SLC35F4: variants seen among roughly 807,000 people sequenced by gnomAD.
The protein encoded by SLC35F4 is chromosome 14 open reading frame 36.
Under a neutral mutation model 44.2 loss-of-function variants are expected in SLC35F4, and 24 were observed. The ratio of observed to expected loss-of-function variants is 0.54; its 90% CI spans 0.39 to 0.76. The LOEUF (loss-of-function observed/expected upper bound fraction) is 0.76. Ranked by LOEUF, SLC35F4 falls within the 30% of genes least tolerant of loss-of-function variation. The probability of loss-of-function intolerance (pLI) is 0.00; values close to 1 mark genes in which losing one functional copy is unlikely to be tolerated. For missense variants in SLC35F4, 562 were observed against 586.1 expected (o/e 0.96, Z 0.42); for synonymous variants, 238 against 223.6 (o/e 1.06, Z -0.57).
At chr14:57,684,370 G>T (rs1171321466) in intron 1 of SLC35F4, among the ~76,000 whole-genome samples, 3 of 152,166 alleles carry the variant, frequency 2.0e-5, no homozygotes, top group Admixed American at 6.5e-5. Flanking sequence ...GGACAATGGG[G>T]TGAAGGGATG....
At chr14:57,834,285 A>C (rs12184986) in intron 1 of SLC35F4, among the ~76,000 whole-genome samples, 1 of 152,230 alleles carries the variant, frequency 6.6e-6, no homozygotes, top group East Asian at 1.9e-4. Context: ...AAGATTTTGC[A>C]CTTCACTGAA....
chr14:57,964,305 G>A (rs1240687143), intron 1 of SLC35F4, among the ~76,000 whole-genome samples: 1 of 152,106 alleles, frequency 6.6e-6, no homozygotes, highest in East Asian at 1.9e-4. Flanking sequence ...CTCGGCAGAA[G>A]TATCAGAATA....
chr14:57,715,429 G>A (rs2140416588), intron 1 of SLC35F4, among the ~76,000 whole-genome samples: 1 of 152,284 alleles, frequency 6.6e-6, no homozygotes, highest in East Asian at 1.9e-4. Flanking sequence ...TAAATTATAT[G>A]GTCCTCCTAA....
chr14:57,890,487 C>A (rs1232468515), intron 1 of SLC35F4, among the ~76,000 whole-genome samples: 1 of 152,082 alleles, frequency 6.6e-6, no homozygotes, highest in Admixed American at 6.6e-5. Flanking sequence ...AAATTATATC[C>A]CAGTGGAGAC....
intron 1 of SLC35F4, among the ~76,000 whole-genome samples, chr14:57,654,433 T>A (rs1370350526): frequency 6.6e-6 from 1 of 152,216 alleles, no homozygotes; most frequent in East Asian, 1.9e-4. Flanking sequence ...CACTCTTTTT[T>A]ATGGCTGAGT....
chr14:57,814,839 G>C (rs1044721983), intron 1 of SLC35F4, among the ~76,000 whole-genome samples: 1 of 152,112 alleles, frequency 6.6e-6, no homozygotes, highest in Admixed American at 6.5e-5. Context: ...TTCTTTCATG[G>C]AACCCTTAGA....
rs1447729532 is a variant in SLC35F4, at chr14:57,865,970, A to C, written c.-145T>G. 2 of 456,230 alleles carry C rather than the reference A, an allele frequency of 4.4e-6. No homozygotes were observed. The highest frequency in any genetic ancestry group is 7.3e-6 in the Non-Finnish European group (2 of 272,718). The allele number at this position is 456,230 out of a possible 1,614,324, so 28.3% of individuals were successfully genotyped here. A position where few individuals can be genotyped will look rare whatever the true frequency, so the allele number is the denominator to read the frequency against. On this transcript the variant is annotated 5_prime_UTR_variant, in exon 1 of 8. Coordinates refer to ENST00000556826, the MANE Select transcript of SLC35F4 (RefSeq NM_001306087.2). ...GGGCTCTGACTCCACCGCCCGGCGC[A>C]GCACCGGCTCCGCATCACAGCGGCG...
At chr14:57,816,810 A>G (rs543324369) in intron 1 of SLC35F4, among the ~76,000 whole-genome samples, 1 of 152,186 alleles carries the variant, frequency 6.6e-6, no homozygotes, top group African/African-American at 2.4e-5. Flanking sequence ...CTTGAGCTGC[A>G]TTCTGTAGAC....
rs576569913 is a variant in SLC35F4, at chr14:57,743,668, C to T, written c.103+122055G>A. Among the ~76,000 whole-genome samples the T allele has an allele frequency of 3.9e-5, 6 of 152,290 alleles. No individual in the cohort carries two copies. In the South Asian group the frequency reaches 1.2e-3, roughly 32 times the overall value. ...GGTACAAAGAGGAGCTGGTACCATT[C>T]CTTCTGAAACTATTCCAATCAATAG... On this transcript the variant is annotated intron_variant, in intron 1 of 7. Coordinates refer to ENST00000556826, the MANE Select transcript of SLC35F4 (RefSeq NM_001306087.2).
chr14:57,886,071 T>C (rs1335521), intron 1 of SLC35F4, among the ~76,000 whole-genome samples: 15,913 of 152,234 alleles, frequency 0.1, 1,143 homozygotes, highest in East Asian at 0.4. Context: ...ATAGCTAATA[T>C]ATATCACATG....
At chr14:57,893,520 A>G (rs1888814571) in intron 1 of SLC35F4, among the ~76,000 whole-genome samples, 1 of 152,192 alleles carries the variant, frequency 6.6e-6, no homozygotes, top group Non-Finnish European at 1.5e-5. Flanking sequence ...GCTCTCTGCC[A>G]TTACACCTCA....
chr14:57,757,311 AAC>A (rs1186850348), intron 1 of SLC35F4, among the ~76,000 whole-genome samples: 1 of 152,148 alleles, frequency 6.6e-6, no homozygotes, highest in African/African-American at 2.4e-5. Context: ...GGTTTCCTGT[AAC>A]AGCATTATAT....
At chr14:57,604,618 A>G (rs1595020843) in intron 1 of SLC35F4, among the ~76,000 whole-genome samples, 1 of 152,204 alleles carries the variant, frequency 6.6e-6, no homozygotes, top group Non-Finnish European at 1.5e-5. Flanking sequence ...TAAAATTTAT[A>G]TGGAACCAAA....
chr14:57,983,066 G>T (rs923709450), upstream of SLC35F4, among the ~76,000 whole-genome samples: 1 of 152,188 alleles, frequency 6.6e-6, no homozygotes, highest in South Asian at 2.1e-4. Context: ...AACCAACCTG[G>T]CTCTGTCTGC....
rs142769978 is a variant in SLC35F4, at chr14:57,667,036, A to T, written c.104-72912T>A. Reference sequence around the variant, plus strand: ...AAGCGTGGGCAAAGGCATCAGGTACATGTGACTTTTGAGTTAGGCCTTCCG... The same window carrying T: ...AAGCGTGGGCAAAGGCATCAGGTACTTGTGACTTTTGAGTTAGGCCTTCCG... On this transcript the variant is annotated intron_variant, in intron 1 of 7. Coordinates refer to ENST00000556826, the MANE Select transcript of SLC35F4 (RefSeq NM_001306087.2). 1.1e-3 allele frequency among the ~76,000 whole-genome samples: 169 copies of T among 152,268 alleles called. 1 individual carries two copies. Among genetic ancestry groups the T allele is most frequent in the African/African-American group, 4.0e-3 (165 of 41,538 alleles).
At chr14:57,952,714 A>G (rs1451107139) in intron 1 of SLC35F4, among the ~76,000 whole-genome samples, 1 of 151,976 alleles carries the variant, frequency 6.6e-6, no homozygotes, top group African/African-American at 2.4e-5. Context: ...TTAATGAAAT[A>G]AAGCATGAAG....
intron 1 of SLC35F4, among the ~76,000 whole-genome samples, chr14:57,831,191 A>G (rs1165488100): frequency 6.6e-6 from 1 of 152,126 alleles, no homozygotes; most frequent in Non-Finnish European, 1.5e-5. Flanking sequence ...TACAGATGCC[A>G]AGTTCTACCA....
chr14:57,566,074 C>T (rs576169381), intron 7 of SLC35F4, among the ~76,000 whole-genome samples: 6 of 152,276 alleles, frequency 3.9e-5, no homozygotes, highest in Non-Finnish European at 4.4e-5. Context: ...CGTGGCTCCC[C>T]ATGGATTGTC....
chr14:57,626,662 G>A (rs959306137), intron 1 of SLC35F4, among the ~76,000 whole-genome samples: 14 of 152,210 alleles, frequency 9.2e-5, no homozygotes, highest in African/African-American at 3.1e-4. Flanking sequence ...ATTGCTAAAA[G>A]AACTATTAGA....
Sources: gnomAD v4.1 joint callset for allele counts (sites outside exome capture counted in the v4.1 genomes callset) on GRCh38, gnomAD v4.1.1 for gene constraint, MANE v1.5 for transcripts, NCBI Gene and HGNC (gene_info 2026-07-23, HGNC 2026-07-21) for gene names.